The following AP3B1 variants were observed in gnomAD, a reference collection of about 807,000 sequenced individuals.
The protein encoded by AP3B1 is adaptor related protein complex 3 subunit beta 1, also known as AP-3 complex subunit beta-1.
AP3B1 carries 61 observed loss-of-function variants against 132.5 expected under a neutral mutation model. The ratio of observed to expected loss-of-function variants is 0.46; its 90% CI spans 0.37 to 0.57. The LOEUF (loss-of-function observed/expected upper bound fraction) is 0.57. Among genes scored for constraint, AP3B1 ranks in the 20% least tolerant of loss-of-function variants. The pLI is 0.00. For missense variants in AP3B1, 1,120 were observed against 1,289.4 expected (o/e 0.87, Z 2.01); for synonymous variants, 388 against 438.3 (o/e 0.89, Z 1.43).
intron 7 of AP3B1, among the ~76,000 whole-genome samples, chr5:78,193,768 A>ATTTTTTTTTT (rs748328573): frequency 6.0e-5 from 4 of 66,688 alleles, no homozygotes; most frequent in African/African-American, 1.8e-4. Context: ...ATATATATAT[A>ATTTTTTTTTT]TATTTTTTTT....
intron 9 of AP3B1, 87 bp from the exon 10 acceptor site, chr5:78,175,925 A>C (rs1744130464): frequency 9.5e-7 from 1 of 1,051,098 alleles, no homozygotes; most frequent in Admixed American, 1.7e-5. Flanking sequence ...AAGAATTAGC[A>C]ATAATTTCAA....
intron 2 of AP3B1, among the ~76,000 whole-genome samples, chr5:78,263,522 C>G (rs1034472766): frequency 1.3e-5 from 2 of 152,124 alleles, no homozygotes; most frequent in African/African-American, 2.4e-5. Context: ...GCTAAAATTT[C>G]CAATACTGTG....
chr5:78,149,816 G>A (rs185401161), intron 14 of AP3B1, among the ~76,000 whole-genome samples: 70 of 152,272 alleles, frequency 4.6e-4, no homozygotes, highest in Non-Finnish European at 8.2e-4. Context: ...TCTATGAGAA[G>A]TCTTGGCTTT....
intron 2 of AP3B1, among the ~76,000 whole-genome samples, chr5:78,250,885 A>G (rs530709229): frequency 6.6e-6 from 1 of 152,274 alleles, no homozygotes; most frequent in East Asian, 1.9e-4. Flanking sequence ...AAAATTCTAA[A>G]CTGACTTCAA....
intron 26 of AP3B1, among the ~76,000 whole-genome samples, chr5:78,015,167 G>A (rs1435717777): frequency 3.3e-5 from 5 of 152,100 alleles, no homozygotes; most frequent in African/African-American, 7.2e-5. Flanking sequence ...ATTATAAAAT[G>A]TGAATATGCT....
chr5:78,046,811 G>A (rs1162855704), intron 22 of AP3B1, among the ~76,000 whole-genome samples: 1 of 151,950 alleles, frequency 6.6e-6, no homozygotes, highest in Non-Finnish European at 1.5e-5. Context: ...CAATCACCCT[G>A]TCATCTATAT....
At chr5:78,065,009 C>T (rs1749219744) in intron 22 of AP3B1, among the ~76,000 whole-genome samples, 1 of 152,098 alleles carries the variant, frequency 6.6e-6, no homozygotes, top group Non-Finnish European at 1.5e-5. Context: ...AGGTATCTCT[C>T]ACTGGGACTG....
chr5:78,230,839 C>T (rs1328135999), intron 3 of AP3B1, among the ~76,000 whole-genome samples: 1 of 152,084 alleles, frequency 6.6e-6, no homozygotes, highest in African/African-American at 2.4e-5. Context: ...TCCTTGTGGC[C>T]AGGCACGGTG....
At chr5:78,211,841 T>A (rs1449612499) in intron 7 of AP3B1, among the ~76,000 whole-genome samples, 1 of 152,240 alleles carries the variant, frequency 6.6e-6, no homozygotes, top group Non-Finnish European at 1.5e-5. Context: ...GGCCTGGGCA[T>A]CAGATAATTC....
At chr5:78,026,156 G>A (rs1038317944) in intron 24 of AP3B1, among the ~76,000 whole-genome samples, 2 of 152,090 alleles carry the variant, frequency 1.3e-5, no homozygotes, top group African/African-American at 4.8e-5. Flanking sequence ...GCCTCAACTT[G>A]GATAGGGAAT....
At position 78,034,437 on chromosome 5, in the gene AP3B1, C is replaced by T; in HGVS notation, c.2818G>A (p.Glu940Lys). Residue 940 changes from glutamate (E) to lysine (K), a missense_variant, in exon 24 of 27, where the codon GAG becomes AAG. Coordinates refer to ENST00000255194, the MANE Select transcript of AP3B1 (RefSeq NM_003664.5). Reference sequence around the variant, plus strand: ...GAAACTGTAATGGATCCCTCAGGCTCAAGAGAGTCTAGGAAATAAGATAAT... The same window carrying T: ...GAAACTGTAATGGATCCCTCAGGCTTAAGAGAGTCTAGGAAATAAGATAAT... Reference protein sequence around the residue: ...MHVFNPIDSLEPEGSITVSMG... With the variant: ...MHVFNPIDSLKPEGSITVSMG... The T allele has an allele frequency of 6.2e-7, 1 of 1,608,596 alleles. No individual in the cohort carries two copies. The highest frequency in any genetic ancestry group is 2.2e-5 in the East Asian group (1 of 44,736).
At chr5:78,232,700 T>C (rs1746697185) in intron 3 of AP3B1, among the ~76,000 whole-genome samples, 1 of 152,096 alleles carries the variant, frequency 6.6e-6, no homozygotes, top group Non-Finnish European at 1.5e-5. Context: ...TTCATTTATG[T>C]TTTATTCTTT....
chr5:78,087,118 T>C (rs996456802), intron 22 of AP3B1, among the ~76,000 whole-genome samples: 3 of 152,306 alleles, frequency 2.0e-5, no homozygotes, highest in South Asian at 2.1e-4. Context: ...TAGTTTATTA[T>C]ATATTACTTT....
chr5:78,262,149 G>C (rs1254819541), intron 2 of AP3B1, among the ~76,000 whole-genome samples: 4 of 152,102 alleles, frequency 2.6e-5, no homozygotes, highest in African/African-American at 9.7e-5. Context: ...TATATGATTT[G>C]CAAATATTTT....
chr5:78,279,904 T>TATATATATATA, intron 1 of AP3B1, among the ~76,000 whole-genome samples: 1 of 108,562 alleles, frequency 9.2e-6, no homozygotes, highest in African/African-American at 3.4e-5. Flanking sequence ...TATATATGAC[T>TATATATATATA]TAAATATATA....
chr5:78,090,842 T>A (rs1750477867), intron 21 of AP3B1, among the ~76,000 whole-genome samples: 1 of 152,210 alleles, frequency 6.6e-6, no homozygotes, highest in Non-Finnish European at 1.5e-5. Context: ...GATAGGGTCT[T>A]GCTCTGTTGC....
intron 2 of AP3B1, among the ~76,000 whole-genome samples, chr5:78,261,314 G>A (rs1748081057): frequency 6.6e-6 from 1 of 152,156 alleles, no homozygotes; most frequent in East Asian, 1.9e-4. Flanking sequence ...GGTGTAAAGT[G>A]ATCTTACTAT....
At chr5:78,230,951 C>CTACTAAAAA (rs1746623127) in intron 3 of AP3B1, among the ~76,000 whole-genome samples, 1 of 151,896 alleles carries the variant, frequency 6.6e-6, no homozygotes, top group Non-Finnish European at 1.5e-5. Flanking sequence ...AACTCCATCT[C>CTACTAAAAA]TACTAAAAAT....
intron 2 of AP3B1, among the ~76,000 whole-genome samples, chr5:78,253,920 T>C (rs996276762): frequency 2.1e-5 from 3 of 144,852 alleles, no homozygotes; most frequent in Non-Finnish European, 4.5e-5. Flanking sequence ...ATCATGCCAC[T>C]GCACTCCAGC....
Sources: allele counts gnomAD v4.1 joint callset (sites outside exome capture counted in the v4.1 genomes callset), GRCh38; gene constraint gnomAD v4.1.1; transcripts MANE v1.5; gene names NCBI Gene and HGNC (gene_info 2026-07-23, HGNC 2026-07-21).